The following NT5C2 variants were observed in gnomAD, a reference collection of about 807,000 sequenced individuals.
NT5C2 encodes the protein cytosolic purine 5'-nucleotidase.
A neutral mutation model predicts 76.1 loss-of-function variants in NT5C2; 58 were observed. That is an observed-to-expected ratio of 0.76 (90% confidence interval 0.62 to 0.95). NT5C2 has a LOEUF of 0.95. NT5C2 is among the 40% of genes least tolerant of loss of function. The probability of loss-of-function intolerance (pLI) is 0.00; values close to 1 mark genes in which losing one functional copy is unlikely to be tolerated. For synonymous variants in NT5C2, 229 were observed against 237.4 expected, an observed-to-expected ratio of 0.96 and a Z score of 0.32; for missense variants, 478 against 690.3, an observed-to-expected ratio of 0.69 and a Z score of 3.45.
intron 4 of NT5C2, among the ~76,000 whole-genome samples, chr10:103,123,692 TCTGAAATAA>T (rs764209695): frequency 1.3e-5 from 2 of 152,178 alleles, no homozygotes; most frequent in African/African-American, 2.4e-5. Flanking sequence ...ATCCACTGAT[TCTGAAATAA>T]CAGAAATAAG....
chr10:103,119,105 C>T (rs1464466309), intron 4 of NT5C2, among the ~76,000 whole-genome samples: 1 of 152,112 alleles, frequency 6.6e-6, no homozygotes, highest in African/African-American at 2.4e-5. Context: ...CACAGTGGCT[C>T]ACACCTGTAA....
In NT5C2 at chr10:103,139,387, A is replaced by G. The variant is rs374542410; in HGVS notation, c.175+19T>C. 5.1e-5 allele frequency: 78 copies of G among 1,539,208 alleles called. No individual in the cohort carries two copies. In the African/African-American group the frequency reaches 9.7e-4, roughly 19 times the overall value. Reference sequence around the variant, plus strand: ...TACCCAAAGCAGCAGTTCTTAAGCAATCAGAAATTGCTACTCACCAGCAAG... The same window carrying G: ...TACCCAAAGCAGCAGTTCTTAAGCAGTCAGAAATTGCTACTCACCAGCAAG... On this transcript the variant is annotated intron_variant, in intron 4 of 18. Transcript: ENST00000404739.
chr10:103,184,018 T>C (rs1156267750), intron 1 of NT5C2, among the ~76,000 whole-genome samples: 3 of 151,884 alleles, frequency 2.0e-5, no homozygotes, highest in African/African-American at 7.3e-5. Context: ...AATGACGCGA[T>C]CTCGGCTCAA....
At chr10:103,157,297 G>C (rs1394902188) in intron 3 of NT5C2, among the ~76,000 whole-genome samples, 1 of 152,060 alleles carries the variant, frequency 6.6e-6, no homozygotes, top group African/African-American at 2.4e-5. Flanking sequence ...TTTAGACTTT[G>C]GCAGGGTAAG....
At position 103,098,996 on chromosome 10, in the gene NT5C2, C is replaced by A. The variant is rs776161531; in HGVS notation, c.634-12G>T. ...TCCTTAAGGGAGCCCTGGAGGAAGA[C>A]AAAAAAAAGAATTAAGAAAAGAACA... On this transcript the variant is annotated splice_polypyrimidine_tract_variant and intron_variant, in intron 9 of 18. Transcript: ENST00000404739. 3.2e-6 allele frequency: 5 copies of A among 1,583,980 alleles called. No individual in the cohort carries two copies. In the South Asian group the frequency reaches 4.5e-5, roughly 14 times the overall value.
chr10:103,100,591 T>C (rs1368157341), intron 8 of NT5C2: 1 of 443,918 alleles, frequency 2.3e-6, no homozygotes, highest in Admixed American at 2.4e-5. Flanking sequence ...CGCAAAATTT[T>C]ACTTCTGATA....
At chr10:103,110,898 A>G (rs1241146429) in intron 4 of NT5C2, among the ~76,000 whole-genome samples, 2 of 152,244 alleles carry the variant, frequency 1.3e-5, no homozygotes, top group Non-Finnish European at 2.9e-5. Context: ...AGTGATAAAC[A>G]TATTTATTGT....
rs955785634 is a variant in NT5C2 at position 103,128,201 on chromosome 10, G to C, written c.175+11205C>G. Among the ~76,000 whole-genome samples, 589 of 148,322 alleles carry C rather than the reference G, an allele frequency of 4.0e-3. 2 individuals carry two copies. Among genetic ancestry groups the C allele is most frequent in the Non-Finnish European group, 5.3e-3 (349 of 66,376 alleles). ...CCTGATTCTCCTGCCTCAGCCTGCC[G>C]AGTGCCTGCCATTGCAGGCACGCGC... On this transcript the variant is annotated intron_variant, in intron 4 of 18. Transcript: ENST00000404739.
chr10:103,161,128 C>A (rs2084764772), intron 3 of NT5C2, among the ~76,000 whole-genome samples: 1 of 152,136 alleles, frequency 6.6e-6, no homozygotes, highest in Non-Finnish European at 1.5e-5. Flanking sequence ...GGAAGCAACC[C>A]AAATGTTAAG....
At chr10:103,150,388 C>G (rs2082195571) in intron 3 of NT5C2, among the ~76,000 whole-genome samples, 1 of 152,150 alleles carries the variant, frequency 6.6e-6, no homozygotes, top group Admixed American at 6.5e-5. Context: ...CTGAGTATTT[C>G]ATTGTATGGA....
chr10:103,167,621 A>G (rs2086725932), intron 3 of NT5C2, among the ~76,000 whole-genome samples: 2 of 151,984 alleles, frequency 1.3e-5, no homozygotes, highest in African/African-American at 4.8e-5. Flanking sequence ...AAAAAAATAA[A>G]GATTTCCCCT....
At chr10:103,143,734 C>A (rs1231190191) in intron 3 of NT5C2, among the ~76,000 whole-genome samples, 1 of 147,756 alleles carries the variant, frequency 6.8e-6, no homozygotes, top group African/African-American at 2.5e-5. Flanking sequence ...GGTGGGAGGA[C>A]TGCTTCAGCC....
intron 3 of NT5C2, among the ~76,000 whole-genome samples, chr10:103,141,514 C>T (rs2080426000): frequency 1.3e-5 from 2 of 152,192 alleles, no homozygotes; most frequent in Middle Eastern, 3.4e-3. Flanking sequence ...CTTTCTTATA[C>T]AGTAAATGAA....
chr10:103,114,301 T>G (rs2073823530), intron 4 of NT5C2, among the ~76,000 whole-genome samples: 1 of 152,010 alleles, frequency 6.6e-6, no homozygotes, highest in African/African-American at 2.4e-5. Flanking sequence ...CGCACACCTG[T>G]CGTGGTGGCA....
intron 3 of NT5C2, among the ~76,000 whole-genome samples, chr10:103,140,799 T>C (rs890147944): frequency 5.3e-5 from 8 of 152,260 alleles, no homozygotes; most frequent in Non-Finnish European, 8.8e-5. Context: ...TTAAGCTCCT[T>C]TTCAAATACC....
chr10:103,181,778 G>A (rs909122446), intron 1 of NT5C2, among the ~76,000 whole-genome samples: 2 of 152,142 alleles, frequency 1.3e-5, no homozygotes, highest in African/African-American at 2.4e-5. Context: ...GCCAAGGTGG[G>A]TGGATCATTT....
At chr10:103,108,969 A>G (rs907271639) in intron 4 of NT5C2, among the ~76,000 whole-genome samples, 1 of 151,542 alleles carries the variant, frequency 6.6e-6, no homozygotes, top group Non-Finnish European at 1.5e-5. Flanking sequence ...AGCGATTCTC[A>G]TGACTCAGCC....
chr10:103,135,703 G>A (rs912121584), intron 4 of NT5C2, among the ~76,000 whole-genome samples: 6 of 147,376 alleles, frequency 4.1e-5, no homozygotes, highest in Non-Finnish European at 7.5e-5. Flanking sequence ...CAGGAGAATC[G>A]ATTGAACCCA....
chr10:103,191,175 T>C (rs1003236148), intron 1 of NT5C2, among the ~76,000 whole-genome samples: 3 of 152,188 alleles, frequency 2.0e-5, no homozygotes, highest in Non-Finnish European at 4.4e-5. Context: ...GCAGATCACC[T>C]GAGGTCAGGA....
Sources: allele counts gnomAD v4.1 joint callset (sites outside exome capture counted in the v4.1 genomes callset), GRCh38; gene constraint gnomAD v4.1.1; transcripts MANE v1.5; gene names NCBI Gene and HGNC (gene_info 2026-07-23, HGNC 2026-07-21).